Variants in ZNF438 observed in about 807,000 individuals in gnomAD.
ZNF438 encodes zinc finger protein 438.
ZNF438 carries 25 observed loss-of-function variants against 38.0 expected under a neutral mutation model. The ratio of observed to expected loss-of-function variants is 0.66; its 90% CI spans 0.48 to 0.92. The LOEUF is 0.92. Among genes scored for constraint, ZNF438 ranks in the 40% least tolerant of loss-of-function variants. ZNF438 has a pLI of 0.00. For synonymous variants in ZNF438, 372 were observed against 364.1 expected, an observed-to-expected ratio of 1.02 and a Z score of -0.25; for missense variants, 1,007 against 999.6, an observed-to-expected ratio of 1.01 and a Z score of -0.10.
In ZNF438 at chr10:30,948,318, C is replaced by G. The variant is rs370593771; in HGVS notation, c.-191-6667G>C. ...ATGGGGAAAAAACAGAACAGAAAAA[C>G]TGGAAACTCTAAAAAGCAGAGCACC... On this transcript the variant is annotated intron_variant, in intron 1 of 5. Coordinates refer to ENST00000413025, the Ensembl canonical transcript of ZNF438. Among the ~76,000 whole-genome samples the G allele has an allele frequency of 5.9e-5, 9 of 152,156 alleles. No homozygotes were observed. The East Asian group carries it at 9.7e-4, about 16-fold the overall frequency.
At chr10:30,933,298 TCTA>T (rs1221152597) in intron 2 of ZNF438, among the ~76,000 whole-genome samples, 1 of 152,196 alleles carries the variant, frequency 6.6e-6, no homozygotes, top group Non-Finnish European at 1.5e-5. Context: ...AGAGGCAGCT[TCTA>T]CTTAGCTCTA....
At chr10:30,855,689 C>G (rs1588792676) in intron 4 of ZNF438, among the ~76,000 whole-genome samples, 1 of 152,282 alleles carries the variant, frequency 6.6e-6, no homozygotes, top group East Asian at 1.9e-4. Context: ...AATCATCCAA[C>G]CATACAATGT....
intron 2 of ZNF438, among the ~76,000 whole-genome samples, chr10:30,930,164 T>TG (rs1164296582): frequency 3.9e-4 from 13 of 33,746 alleles, no homozygotes; most frequent in East Asian, 1.6e-3. Context: ...GGGGCGGGGG[T>TG]GGGGGGGGAG....
At chr10:30,956,316 T>C (rs531766015) in intron 1 of ZNF438, among the ~76,000 whole-genome samples, 2 of 152,326 alleles carry the variant, frequency 1.3e-5, no homozygotes, top group African/African-American at 4.8e-5. Context: ...AATATGTGTG[T>C]GACCAAACTG....
chr10:30,849,811 A>C (rs2033203897), exon 5 of ZNF438: 4 of 1,614,142 alleles, frequency 2.5e-6, no homozygotes, highest in Middle Eastern at 1.6e-4. Flanking sequence ...CCCCATGGTC[A>C]CTTCCATTGG....
intron 4 of ZNF438, among the ~76,000 whole-genome samples, chr10:30,862,046 C>G (rs2035669543): frequency 6.6e-6 from 1 of 152,176 alleles, no homozygotes. Flanking sequence ...TTGAGTCCTA[C>G]AGTTGAAATT....
chr10:30,927,348 CA>C (rs1237692870), intron 2 of ZNF438, among the ~76,000 whole-genome samples: 1 of 152,168 alleles, frequency 6.6e-6, no homozygotes, highest in Non-Finnish European at 1.5e-5. Flanking sequence ...ATATAGTCTC[CA>C]CAAAGGGCAT....
In ZNF438 at chr10:30,951,154, A is replaced by T. The variant is rs1373875873; in HGVS notation, c.-191-9503T>A. On this transcript the variant is annotated intron_variant, in intron 1 of 5. Transcript: ENST00000413025. ...CAGAGCCAAAGACAAAAACCACATGATTATCTCAATAGATGCAGAAAAAGC... is the reference window on the plus strand; with the variant it reads ...CAGAGCCAAAGACAAAAACCACATGTTTATCTCAATAGATGCAGAAAAAGC... 2.0e-5 allele frequency among the ~76,000 whole-genome samples: 3 copies of T among 151,210 alleles called. No individual in the cohort carries two copies. The East Asian group carries it at 5.8e-4, about 29-fold the overall frequency.
At chr10:30,845,383 T>G (rs1398967872) in exon 6 of ZNF438, 1 of 1,614,078 alleles carries the variant, frequency 6.2e-7, no homozygotes, top group Non-Finnish European at 8.5e-7. Context: ...TCTTCCTGAG[T>G]CCCCTTGCTT....
rs374371202 is a variant in ZNF438 at position 31,006,843 on chromosome 10, G to GA, written c.-192+24989dup. Among the ~76,000 whole-genome samples the GA allele has an allele frequency of 6.5e-3, 930 of 143,894 alleles. 8 individuals carry two copies. The highest frequency in any genetic ancestry group is 7.2e-3 in the Non-Finnish European group (476 of 65,760). 94.4% of individuals were successfully genotyped at this position (143,894 alleles called of 152,430 possible). A position where few individuals can be genotyped will look rare whatever the true frequency, so the allele number is the denominator to read the frequency against. On this transcript the variant is annotated intron_variant, in intron 1 of 5. Coordinates refer to ENST00000413025, the Ensembl canonical transcript of ZNF438. Reference sequence around the variant, plus strand: ...CTGTGTTGATTGCTGTTGGCTAATAGAAAAAAAAAAACCATTTTGAGTGTG... The same window carrying GA: ...CTGTGTTGATTGCTGTTGGCTAATAGAAAAAAAAAAAACCATTTTGAGTGTG...
intron 1 of ZNF438, among the ~76,000 whole-genome samples, chr10:31,001,755 T>G (rs2054681697): frequency 6.6e-6 from 1 of 152,218 alleles, no homozygotes; most frequent in African/African-American, 2.4e-5. Context: ...ATATTGTAGT[T>G]CATTAAAACA....
chr10:30,972,659 T>C (rs1309101308), intron 1 of ZNF438, among the ~76,000 whole-genome samples: 10 of 152,202 alleles, frequency 6.6e-5, no homozygotes, highest in South Asian at 4.1e-4. Flanking sequence ...CAGCTTAAAA[T>C]ATATTACAGG....
chr10:30,947,781 C>T (rs2047611350), intron 1 of ZNF438, among the ~76,000 whole-genome samples: 1 of 152,184 alleles, frequency 6.6e-6, no homozygotes, highest in Non-Finnish European at 1.5e-5. Context: ...GGGAGTAACC[C>T]GATTTTCCAG....
intron 1 of ZNF438, among the ~76,000 whole-genome samples, chr10:30,947,222 C>A (rs996144885): frequency 1.8e-4 from 28 of 152,330 alleles, no homozygotes; most frequent in African/African-American, 6.5e-4. Flanking sequence ...CACCAAGTGA[C>A]CTCAGGTGAT....
At chr10:30,863,688 G>A (rs573264571) in intron 4 of ZNF438, among the ~76,000 whole-genome samples, 3 of 152,238 alleles carry the variant, frequency 2.0e-5, no homozygotes, top group South Asian at 2.1e-4. Flanking sequence ...TCCTTGCCCC[G>A]AGGCTATGTG....
chr10:30,895,866 G>A (rs1159736270), intron 3 of ZNF438, among the ~76,000 whole-genome samples: 2 of 152,164 alleles, frequency 1.3e-5, no homozygotes, highest in African/African-American at 2.4e-5. Flanking sequence ...ATGTTGGTGA[G>A]GATATGGAGG....
exon 6 of ZNF438, chr10:30,845,293 C>T (rs374473234): frequency 4.8e-5 from 78 of 1,613,982 alleles, no homozygotes; most frequent in Non-Finnish European, 6.5e-5. Flanking sequence ...GCATGTGATT[C>T]CTCGGAGGAG....
intron 2 of ZNF438, among the ~76,000 whole-genome samples, chr10:30,916,948 TA>T (rs1265465802): frequency 6.6e-6 from 1 of 152,086 alleles, no homozygotes; most frequent in South Asian, 2.1e-4. Context: ...CTAATGGACA[TA>T]AAAAAGTACT....
At chr10:30,918,749 C>T (rs1163573021) in intron 2 of ZNF438, among the ~76,000 whole-genome samples, 1 of 152,152 alleles carries the variant, frequency 6.6e-6, no homozygotes, top group Non-Finnish European at 1.5e-5. Flanking sequence ...TAACAATATA[C>T]ATGCTGGAAA....
Sources: allele counts gnomAD v4.1 joint callset (sites outside exome capture counted in the v4.1 genomes callset), GRCh38; gene constraint gnomAD v4.1.1; transcripts MANE v1.5; gene names NCBI Gene and HGNC (gene_info 2026-07-23, HGNC 2026-07-21).